The following ZFAND3 variants were observed in gnomAD, a reference collection of about 807,000 sequenced individuals.
The protein encoded by ZFAND3 is AN1-type zinc finger protein 3.
A neutral mutation model predicts 29.6 loss-of-function variants in ZFAND3; 10 were observed. The observed-to-expected ratio is 0.34, with a 90% CI of 0.21 to 0.57. The LOEUF (loss-of-function observed/expected upper bound fraction) is 0.57, where lower values mean the gene tolerates loss of function less well. Among genes scored for constraint, ZFAND3 ranks in the 20% least tolerant of loss-of-function variants. The probability of loss-of-function intolerance (pLI) is 0.86; values close to 1 mark genes in which losing one functional copy is unlikely to be tolerated. For synonymous variants in ZFAND3, 128 were observed against 112.6 expected (o/e 1.14, Z -0.87); for missense variants, 230 against 304.5 (o/e 0.76, Z 1.82).
At chr6:37,922,360 G>A (rs1761398085) in intron 1 of ZFAND3, among the ~76,000 whole-genome samples, 1 of 152,052 alleles carries the variant, frequency 6.6e-6, no homozygotes, top group Non-Finnish European at 1.5e-5. Context: ...TATAGTATTA[G>A]TATGTAATGG....
rs1292734875 is a variant in ZFAND3, at chr6:38,152,812, C to T, written c.*423C>T. ...TTTGCCAGAAACTCTGTTTAATGAT[C>T]GGCCTTTCACCTCTTCACTTATCCT... On this transcript the variant is annotated 3_prime_UTR_variant, in exon 6 of 6. Transcript: ENST00000287218. 1.6e-5 allele frequency: 16 copies of T among 987,198 alleles called. No individual in the cohort carries two copies. The South Asian group carries it at 4.7e-4, about 29-fold the overall frequency. The allele number at this position is 987,198 out of a possible 1,614,324, so 61.2% of individuals were successfully genotyped here.
intron 4 of ZFAND3, among the ~76,000 whole-genome samples, chr6:38,101,735 C>T (rs1210849681): frequency 7.7e-6 from 1 of 129,650 alleles, no homozygotes; most frequent in Non-Finnish European, 1.5e-5. Flanking sequence ...GATCGTGCCA[C>T]TGTACTCCAG....
intron 2 of ZFAND3, among the ~76,000 whole-genome samples, chr6:37,967,889 C>T (rs1406814510): frequency 6.6e-6 from 1 of 152,108 alleles, no homozygotes; most frequent in East Asian, 1.9e-4. Flanking sequence ...CTTTTCTCTC[C>T]ATGTGGGCTC....
At chr6:37,866,837 A>G (rs1328368378) in intron 1 of ZFAND3, among the ~76,000 whole-genome samples, 1 of 152,220 alleles carries the variant, frequency 6.6e-6, no homozygotes, top group East Asian at 1.9e-4. Context: ...AACAGTGGTA[A>G]GGTCAGGTAA....
At chr6:37,895,651 G>T (rs1765190341) in intron 1 of ZFAND3, among the ~76,000 whole-genome samples, 1 of 151,326 alleles carries the variant, frequency 6.6e-6, no homozygotes, top group Non-Finnish European at 1.5e-5. Context: ...GATTTTTCTT[G>T]TCACTGTGGG....
At chr6:38,096,731 G>C (rs921826674) in intron 4 of ZFAND3, among the ~76,000 whole-genome samples, 53 of 152,096 alleles carry the variant, frequency 3.5e-4, no homozygotes, top group African/African-American at 1.2e-3. Context: ...TCTTTTCTCA[G>C]AGTCTTCATT....
At chr6:38,102,294 AG>A (rs1765110753) in intron 4 of ZFAND3, among the ~76,000 whole-genome samples, 1 of 152,140 alleles carries the variant, frequency 6.6e-6, no homozygotes, top group African/African-American at 2.4e-5. Context: ...TAGGGTACTT[AG>A]GCATCATAGG....
intron 2 of ZFAND3, among the ~76,000 whole-genome samples, chr6:37,988,386 T>C (rs1280566625): frequency 3.3e-5 from 5 of 152,244 alleles, no homozygotes; most frequent in Admixed American, 2.0e-4. Flanking sequence ...TTGTCCTTGC[T>C]GTGGTATCTC....
At chr6:38,097,599 G>T (rs1765008240) in intron 4 of ZFAND3, among the ~76,000 whole-genome samples, 1 of 152,168 alleles carries the variant, frequency 6.6e-6, no homozygotes. Flanking sequence ...CTTTGAAGAA[G>T]AGCTGTCTAG....
intron 2 of ZFAND3, among the ~76,000 whole-genome samples, chr6:37,964,594 A>G (rs893909819): frequency 6.6e-6 from 1 of 152,176 alleles, no homozygotes; most frequent in Non-Finnish European, 1.5e-5. Context: ...AGACGTATGT[A>G]TTCTTGTATG....
At chr6:38,063,337 C>G (rs1408968877) in intron 3 of ZFAND3, among the ~76,000 whole-genome samples, 1 of 152,156 alleles carries the variant, frequency 6.6e-6, no homozygotes, top group East Asian at 1.9e-4. Flanking sequence ...CAGTGGTTAT[C>G]AACCAAGAGT....
At chr6:37,852,954 A>G (rs1248431944) in intron 1 of ZFAND3, among the ~76,000 whole-genome samples, 1 of 152,012 alleles carries the variant, frequency 6.6e-6, no homozygotes, top group Non-Finnish European at 1.5e-5. Context: ...TCTTCACTAT[A>G]GATGTCTTTG....
At chr6:37,977,178 T>C (rs1273993845) in intron 2 of ZFAND3, among the ~76,000 whole-genome samples, 1 of 152,242 alleles carries the variant, frequency 6.6e-6, no homozygotes, top group African/African-American at 2.4e-5. Context: ...AGTAGAAATA[T>C]AATCTTATGG....
intron 1 of ZFAND3, among the ~76,000 whole-genome samples, chr6:37,885,024 G>A (rs1288626764): frequency 2.6e-5 from 4 of 152,070 alleles, no homozygotes; most frequent in South Asian, 4.1e-4. Flanking sequence ...TCTAGTTTTC[G>A]AGCCTCTTTC....
chr6:37,843,682 C>T (rs1764121995), intron 1 of ZFAND3, among the ~76,000 whole-genome samples: 2 of 152,104 alleles, frequency 1.3e-5, no homozygotes, highest in Admixed American at 1.3e-4. Flanking sequence ...TTTGCAATTA[C>T]TCAGCATTTT....
chr6:37,972,911 AG>A, intron 2 of ZFAND3, among the ~76,000 whole-genome samples: 1 of 152,324 alleles, frequency 6.6e-6, no homozygotes, highest in Admixed American at 6.5e-5. Context: ...AACTGAAAGT[AG>A]ACCTGAATTA....
intron 1 of ZFAND3, among the ~76,000 whole-genome samples, chr6:37,917,028 A>G (rs962275328): frequency 1.3e-5 from 2 of 152,264 alleles, no homozygotes; most frequent in Non-Finnish European, 1.5e-5. Flanking sequence ...GCCCCAAAGC[A>G]CAAACATAGT....
At chr6:38,060,072 T>C in intron 2 of ZFAND3, among the ~76,000 whole-genome samples, 1 of 152,158 alleles carries the variant, frequency 6.6e-6, no homozygotes, top group East Asian at 1.9e-4. Flanking sequence ...TCCCTGCTTA[T>C]ATGAAGCTTT....
intron 5 of ZFAND3, among the ~76,000 whole-genome samples, chr6:38,127,002 G>A (rs1765647773): frequency 6.6e-6 from 1 of 151,064 alleles, no homozygotes; most frequent in Non-Finnish European, 1.5e-5. Flanking sequence ...AATTTAACTT[G>A]TTAGCTCTCG....
Sources: gnomAD v4.1 joint callset for allele counts (sites outside exome capture counted in the v4.1 genomes callset) on GRCh38, gnomAD v4.1.1 for gene constraint, MANE v1.5 for transcripts, NCBI Gene and HGNC (gene_info 2026-07-23, HGNC 2026-07-21) for gene names.